The following RPA3 variants were observed in gnomAD, a reference collection of about 807,000 sequenced individuals.
RPA3 encodes replication protein A3.
RPA3 carries 24 observed loss-of-function variants against 13.7 expected under a neutral mutation model. That is an observed-to-expected ratio of 1.75 (90% CI 1.27 to 2.46). RPA3 has a LOEUF of 2.46. Ranked by LOEUF, RPA3 falls within the 30% of genes most tolerant of loss-of-function variation. The probability of loss-of-function intolerance (pLI) is 0.00; values close to 1 mark genes in which losing one functional copy is unlikely to be tolerated. For missense variants in RPA3, 183 were observed against 151.0 expected (o/e 1.21, Z -1.11); for synonymous variants, 59 against 51.2 (o/e 1.15, Z -0.65).
chr7:7,647,091 C>G (rs1463309887), intron 4 of RPA3, among the ~76,000 whole-genome samples: 4 of 152,136 alleles, frequency 2.6e-5, no homozygotes, highest in Admixed American at 1.3e-4. Context: ...CTGAAATTAT[C>G]TATTGAGTGT....
chr7:7,676,803 A>T (rs1308071072), intron 4 of RPA3, among the ~76,000 whole-genome samples: 1 of 152,184 alleles, frequency 6.6e-6, no homozygotes, highest in African/African-American at 2.4e-5. Flanking sequence ...GTGGTGAAGA[A>T]CTTAACTGAA....
intron 4 of RPA3, among the ~76,000 whole-genome samples, chr7:7,674,439 A>G (rs1334645524): frequency 6.6e-6 from 1 of 152,064 alleles, no homozygotes; most frequent in African/African-American, 2.4e-5. Flanking sequence ...TTACTATAGA[A>G]TTTTCCATCA....
At chr7:7,639,779 C>T (rs1784923245) in intron 5 of RPA3, 1 of 157,984 alleles carries the variant, frequency 6.3e-6, no homozygotes, top group Admixed American at 6.4e-5. Flanking sequence ...CTCAGCTTTT[C>T]AGGTCACTGA....
chr7:7,639,296 C>A, intron 5 of RPA3, 152 bp from the exon 6 acceptor site: 1 of 571,674 alleles, frequency 1.7e-6, no homozygotes, highest in South Asian at 2.6e-5. Flanking sequence ...AAATTATAAT[C>A]TTATGTTATC....
intron 2 of RPA3, among the ~76,000 whole-genome samples, chr7:7,713,742 C>T (rs1447314567): frequency 6.6e-6 from 1 of 151,990 alleles, no homozygotes; most frequent in African/African-American, 2.4e-5. Flanking sequence ...CCTGTATTTC[C>T]CTTTAAATGC....
At chr7:7,704,114 T>A (rs1344725781) in intron 2 of RPA3, among the ~76,000 whole-genome samples, 1 of 152,208 alleles carries the variant, frequency 6.6e-6, no homozygotes, top group Admixed American at 6.5e-5. Flanking sequence ...TTTTCTTTAT[T>A]GTATTTCAAC....
intron 4 of RPA3, among the ~76,000 whole-genome samples, chr7:7,671,593 A>G (rs892547195): frequency 1.3e-5 from 2 of 152,048 alleles, no homozygotes; most frequent in Non-Finnish European, 2.9e-5. Flanking sequence ...TTTGAAATCT[A>G]TTGTCTTACA....
intron 1 of RPA3, among the ~76,000 whole-genome samples, chr7:7,717,766 G>A (rs1185470706): frequency 2.6e-5 from 4 of 152,110 alleles, no homozygotes; most frequent in Admixed American, 6.6e-5. Flanking sequence ...AGGAACTCTG[G>A]CCTGGATGAG....
intron 6 of RPA3, 42 bp downstream of exon 6, chr7:7,639,028 T>A (rs749736021): frequency 1.4e-6 from 2 of 1,405,028 alleles, no homozygotes; most frequent in Non-Finnish European, 9.6e-7. Context: ...AGATGAAGAA[T>A]TAACTATAAT....
intron 4 of RPA3, among the ~76,000 whole-genome samples, chr7:7,671,291 GC>G (rs1418629840): frequency 1.3e-5 from 2 of 152,074 alleles, no homozygotes; most frequent in Non-Finnish European, 2.9e-5. Context: ...CTCTGTGCAT[GC>G]CCCCCTCTTC....
intron 2 of RPA3, among the ~76,000 whole-genome samples, chr7:7,700,485 G>T (rs1780432092): frequency 6.6e-6 from 1 of 152,178 alleles, no homozygotes; most frequent in African/African-American, 2.4e-5. Context: ...CAGTTTGTGG[G>T]AGGCCAATGT....
chr7:7,648,886 C>T (rs10234109), intron 4 of RPA3, among the ~76,000 whole-genome samples: 100,837 of 150,808 alleles, frequency 0.67, 34,052 homozygotes, highest in East Asian at 0.88. Context: ...AGGCCGGGCG[C>T]GGTCGCTCAC....
In RPA3 at chr7:7,681,746, C is replaced by G. The variant is rs78202090; in HGVS notation, c.-758+4084G>C. On this transcript the variant is annotated intron_variant, in intron 4 of 7. Transcript: ENST00000223129. The stretch of plus-strand genomic sequence containing the variant: ...GCAAGCATGGCACTATTCGTAATTA[C>G]CAGGGTTTTCTCCTGTTATGACATG... Among the ~76,000 whole-genome samples, 257 of 152,132 alleles carry G rather than the reference C, an allele frequency of 1.7e-3. 7 individuals carry two copies. In the East Asian group the frequency reaches 0.043, roughly 26 times the overall value.
At chr7:7,650,243 T>C (rs907812379) in intron 4 of RPA3, among the ~76,000 whole-genome samples, 3 of 152,392 alleles carry the variant, frequency 2.0e-5, no homozygotes, top group Non-Finnish European at 1.5e-5. Flanking sequence ...TATTGCTTTA[T>C]GCAGTTAATA....
At chr7:7,690,464 G>A (rs901745259) in intron 2 of RPA3, among the ~76,000 whole-genome samples, 1 of 151,992 alleles carries the variant, frequency 6.6e-6, no homozygotes, top group East Asian at 1.9e-4. Context: ...AGTTTTAAAG[G>A]TAATGAAAAA....
intron 4 of RPA3, among the ~76,000 whole-genome samples, chr7:7,652,489 G>C (rs1381969617): frequency 1.1e-4 from 16 of 152,210 alleles, no homozygotes. Flanking sequence ...TTTTTGACTA[G>C]ACTAGAATGT....
intron 4 of RPA3, among the ~76,000 whole-genome samples, chr7:7,651,522 C>T (rs1785223349): frequency 6.6e-6 from 1 of 152,208 alleles, no homozygotes; most frequent in Non-Finnish European, 1.5e-5. Flanking sequence ...ATATTATTTT[C>T]CCTATGGCCA....
chr7:7,681,791 C>T (rs914487699), intron 4 of RPA3, among the ~76,000 whole-genome samples: 12 of 152,096 alleles, frequency 7.9e-5, no homozygotes, highest in African/African-American at 2.7e-4. Flanking sequence ...ACTTTTAAGA[C>T]ATTATCTTTA....
chr7:7,700,888 T>TA (rs368562172), intron 2 of RPA3, among the ~76,000 whole-genome samples: 111 of 148,468 alleles, frequency 7.5e-4, no homozygotes, highest in African/African-American at 2.4e-3. Flanking sequence ...GACTCCATCT[T>TA]AAAAAAAAAC....
Sources: gnomAD v4.1 joint callset for allele counts (sites outside exome capture counted in the v4.1 genomes callset) on GRCh38, gnomAD v4.1.1 for gene constraint, MANE v1.5 for transcripts, NCBI Gene and HGNC (gene_info 2026-07-23, HGNC 2026-07-21) for gene names.